The following PPP1R12B variants were observed in gnomAD, a reference collection of about 807,000 sequenced individuals.
The protein encoded by PPP1R12B is myosin phosphatase target subunit 2.
Under a neutral mutation model 126.1 loss-of-function variants are expected in PPP1R12B, and 76 were observed. The ratio of observed to expected loss-of-function variants is 0.60; its 90% CI spans 0.50 to 0.73. The LOEUF (loss-of-function observed/expected upper bound fraction) is 0.73, where lower values mean the gene tolerates loss of function less well. PPP1R12B is among the 30% of genes least tolerant of loss of function. PPP1R12B has a pLI of 0.00. For missense variants in PPP1R12B, 1,052 were observed against 1,205.1 expected, an observed-to-expected ratio of 0.87 and a Z score of 1.88; for synonymous variants, 356 against 434.7, an observed-to-expected ratio of 0.82 and a Z score of 2.25.
At chr1:202,433,295 T>C (rs993804932) in intron 8 of PPP1R12B, among the ~76,000 whole-genome samples, 7 of 152,160 alleles carry the variant, frequency 4.6e-5, no homozygotes, top group Non-Finnish European at 1.0e-4. Context: ...ATGAGAAAAA[T>C]TGGAGGGATC....
At chr1:202,437,155 C>A (rs1434724778) in intron 9 of PPP1R12B, among the ~76,000 whole-genome samples, 1 of 151,938 alleles carries the variant, frequency 6.6e-6, no homozygotes, top group Non-Finnish European at 1.5e-5. Context: ...CATAGGGAGA[C>A]CTTGTCTCTA....
At chr1:202,546,624 G>A (rs148396387) in intron 18 of PPP1R12B, among the ~76,000 whole-genome samples, 2 of 152,034 alleles carry the variant, frequency 1.3e-5, no homozygotes, top group African/African-American at 4.8e-5. Flanking sequence ...AAAAAATAGT[G>A]TGACAAAATT....
chr1:202,360,351 A>G (rs974433581), intron 1 of PPP1R12B, among the ~76,000 whole-genome samples: 1 of 152,218 alleles, frequency 6.6e-6, no homozygotes, highest in Admixed American at 6.5e-5. Flanking sequence ...TATTCTAATT[A>G]TCATCACATC....
intron 10 of PPP1R12B, 37 bp downstream of exon 10, chr1:202,438,061 G>GTT (rs758220522): frequency 2.8e-6 from 4 of 1,430,126 alleles, no homozygotes; most frequent in African/African-American, 1.4e-5. Context: ...TTCCAAGGCA[G>GTT]TTTTTTTTTT....
intron 1 of PPP1R12B, among the ~76,000 whole-genome samples, chr1:202,358,532 A>C (rs766951689): frequency 1.3e-5 from 2 of 152,194 alleles, no homozygotes; most frequent in Non-Finnish European, 2.9e-5. Flanking sequence ...TATACAAAAA[A>C]TTAGCCGGGC....
At chr1:202,574,170 A>C (rs1336792070) in intron 23 of PPP1R12B, among the ~76,000 whole-genome samples, 1 of 137,470 alleles carries the variant, frequency 7.3e-6, no homozygotes, top group Non-Finnish European at 1.5e-5. Context: ...TGCCCCACAA[A>C]AAAAAAAAAA....
chr1:202,490,666 C>T (rs763508269), intron 14 of PPP1R12B, among the ~76,000 whole-genome samples: 9 of 152,172 alleles, frequency 5.9e-5, no homozygotes, highest in Non-Finnish European at 1.0e-4. Flanking sequence ...ACGCTGCTTC[C>T]ACTTTCTGTC....
chr1:202,382,036 A>G (rs1213762231), intron 1 of PPP1R12B, among the ~76,000 whole-genome samples: 3 of 152,130 alleles, frequency 2.0e-5, no homozygotes, highest in East Asian at 1.9e-4. Context: ...ATGTCCAACA[A>G]TGATAGACTG....
At chr1:202,488,424 GT>G in intron 13 of PPP1R12B, 108 bp from the exon 14 acceptor site, 2 of 853,140 alleles carry the variant, frequency 2.3e-6, no homozygotes, top group South Asian at 3.7e-5. Flanking sequence ...CTTTGCTTAA[GT>G]TCATTCCTAG....
intron 1 of PPP1R12B, among the ~76,000 whole-genome samples, chr1:202,353,582 TTC>T: frequency 8.7e-6 from 1 of 114,306 alleles, no homozygotes; most frequent in Non-Finnish European, 1.8e-5. Context: ...CCTATTCTTC[TTC>T]TTTGTGTGTG....
intron 1 of PPP1R12B, among the ~76,000 whole-genome samples, chr1:202,353,629 T>TGTGA (rs540599307): frequency 0.035 from 4,802 of 137,982 alleles, 132 homozygotes; most frequent in Non-Finnish European, 0.053. Flanking sequence ...TGTGTGTGTG[T>TGTGA]GACAGGGTCT....
In PPP1R12B at chr1:202,437,807, T is replaced by A. The variant is rs1187705970; in HGVS notation, c.1255-14T>A. The A allele has an allele frequency of 1.3e-6, 2 of 1,576,488 alleles. No individual in the cohort carries two copies. The highest frequency in any genetic ancestry group is 1.7e-6 in the Non-Finnish European group (2 of 1,160,604). ...GCCTTTATTTTTCATTTCTTTTATT[T>A]GCTTCTCTCATAGTTCTCTTCTGGC... On this transcript the variant is annotated splice_polypyrimidine_tract_variant and intron_variant, in intron 9 of 23. Coordinates refer to ENST00000608999, the MANE Select transcript of PPP1R12B (RefSeq NM_002481.4).
At chr1:202,559,902 T>C (rs535497439) in intron 19 of PPP1R12B, among the ~76,000 whole-genome samples, 2 of 152,270 alleles carry the variant, frequency 1.3e-5, no homozygotes, top group Non-Finnish European at 2.9e-5. Flanking sequence ...GAAAGGAAAC[T>C]TTTTCCCACA....
rs1484806907 is a variant in PPP1R12B, at chr1:202,592,612, T to C, written c.*12052T>C. ...ATCTTCTTTTATATATAATTAAATA[T>C]ACACGGATGGGGGCAGATGAGGCTC... On this transcript the variant is annotated 3_prime_UTR_variant, in exon 24 of 24. Coordinates refer to ENST00000608999, the MANE Select transcript of PPP1R12B (RefSeq NM_002481.4). 1.3e-5 allele frequency: 2 copies of C among 152,222 alleles called. No individual in the cohort carries two copies. The highest frequency in any genetic ancestry group is 2.4e-5 in the African/African-American group (1 of 41,454). The allele number at this position is 152,222 out of a possible 1,614,324, so 9.4% of individuals were successfully genotyped here.
chr1:202,421,781 C>T (rs867310611), intron 2 of PPP1R12B, among the ~76,000 whole-genome samples: 5 of 152,090 alleles, frequency 3.3e-5, no homozygotes, highest in African/African-American at 9.7e-5. Flanking sequence ...TGATAGAGCT[C>T]CTAGCGTTAT....
chr1:202,403,232 C>T (rs1169691334), intron 1 of PPP1R12B, among the ~76,000 whole-genome samples: 1 of 152,172 alleles, frequency 6.6e-6, no homozygotes, highest in Non-Finnish European at 1.5e-5. Flanking sequence ...CCAGTTGTTA[C>T]TTTGTGGGAA....
intron 1 of PPP1R12B, among the ~76,000 whole-genome samples, chr1:202,382,357 G>A (rs1360486156): frequency 6.6e-6 from 1 of 151,142 alleles, no homozygotes; most frequent in Non-Finnish European, 1.5e-5. Flanking sequence ...CGCCAACATG[G>A]CACATGTATA....
intron 13 of PPP1R12B, among the ~76,000 whole-genome samples, chr1:202,456,916 A>T (rs535886963): frequency 6.6e-6 from 1 of 152,296 alleles, no homozygotes; most frequent in Non-Finnish European, 1.5e-5. Flanking sequence ...ATAAAACATA[A>T]ACACTGAAGG....
intron 18 of PPP1R12B, among the ~76,000 whole-genome samples, chr1:202,528,300 T>C (rs1280171364): frequency 6.6e-6 from 1 of 152,206 alleles, no homozygotes; most frequent in Non-Finnish European, 1.5e-5. Flanking sequence ...CGTAGAACCA[T>C]GCCTGGGGCA....
Sources: allele counts gnomAD v4.1 joint callset (sites outside exome capture counted in the v4.1 genomes callset), GRCh38; gene constraint gnomAD v4.1.1; transcripts MANE v1.5; gene names NCBI Gene and HGNC (gene_info 2026-07-23, HGNC 2026-07-21).